The following ENOX1 variants were observed in gnomAD, a reference collection of about 807,000 sequenced individuals.
The protein encoded by ENOX1 is ecto-NOX disulfide-thiol exchanger 1, also known as candidate growth-related and time keeping constitutive hydroquinone (NADH) oxidase.
A neutral mutation model predicts 82.5 loss-of-function variants in ENOX1; 42 were observed. That is an observed-to-expected ratio of 0.51 (90% confidence interval 0.40 to 0.66). The LOEUF (loss-of-function observed/expected upper bound fraction) is 0.66, where lower values mean the gene tolerates loss of function less well. Among genes scored for constraint, ENOX1 ranks in the 30% least tolerant of loss-of-function variants. ENOX1 has a pLI of 0.00. For synonymous variants in ENOX1, 271 were observed against 282.2 expected, an observed-to-expected ratio of 0.96 and a Z score of 0.40; for missense variants, 608 against 811.6, an observed-to-expected ratio of 0.75 and a Z score of 3.05.
chr13:43,777,960 A>G (rs960760090), intron 1 of ENOX1, among the ~76,000 whole-genome samples: 6 of 152,300 alleles, frequency 3.9e-5, no homozygotes, highest in Middle Eastern at 3.4e-3. Context: ...TTACACTCAC[A>G]TGCTCAGTAT....
At chr13:43,777,673 G>T (rs1952000213) in intron 1 of ENOX1, among the ~76,000 whole-genome samples, 1 of 151,422 alleles carries the variant, frequency 6.6e-6, no homozygotes, top group Admixed American at 6.6e-5. Context: ...CCCCCAGGTA[G>T]CTGGGATTAC....
At chr13:43,402,311 A>T (rs2053545026) in intron 5 of ENOX1, among the ~76,000 whole-genome samples, 1 of 152,238 alleles carries the variant, frequency 6.6e-6, no homozygotes. Flanking sequence ...CTTCATATCT[A>T]ACTGATTGAA....
chr13:43,731,527 G>GGT (rs1555371226), intron 1 of ENOX1, among the ~76,000 whole-genome samples: 4 of 147,906 alleles, frequency 2.7e-5, no homozygotes, highest in African/African-American at 9.9e-5. Flanking sequence ...TCCTGTTTTT[G>GGT]TTTTTTTTTT....
chr13:43,504,870 C>A (rs1484747282), intron 2 of ENOX1, among the ~76,000 whole-genome samples: 1 of 151,450 alleles, frequency 6.6e-6, no homozygotes, highest in Non-Finnish European at 1.5e-5. Flanking sequence ...ATGTTTATGG[C>A]ATAGATTATG....
intron 3 of ENOX1, among the ~76,000 whole-genome samples, chr13:43,443,981 C>T (rs1023379192): frequency 1.3e-5 from 2 of 152,100 alleles, no homozygotes; most frequent in African/African-American, 2.4e-5. Flanking sequence ...CGGATCCTAG[C>T]TGTTTAGGAA....
At chr13:43,681,223 A>G (rs1267236476) in intron 1 of ENOX1, among the ~76,000 whole-genome samples, 1 of 152,102 alleles carries the variant, frequency 6.6e-6, no homozygotes, top group Non-Finnish European at 1.5e-5. Flanking sequence ...GAGAGACTTT[A>G]TATGTTTTAT....
At chr13:43,553,768 A>T (rs1383176508) in intron 2 of ENOX1, among the ~76,000 whole-genome samples, 1 of 152,136 alleles carries the variant, frequency 6.6e-6, no homozygotes, top group Non-Finnish European at 1.5e-5. Context: ...CTCTTTAAAG[A>T]GGGAGTTTCA....
chr13:43,565,663 G>T (rs914122741), intron 2 of ENOX1, among the ~76,000 whole-genome samples: 9 of 152,156 alleles, frequency 5.9e-5, no homozygotes, highest in Non-Finnish European at 1.0e-4. Flanking sequence ...TTTAGATAAG[G>T]AAAGATTCTT....
At chr13:43,216,101 G>A (rs1477611365) in intron 16 of ENOX1, among the ~76,000 whole-genome samples, 1 of 152,152 alleles carries the variant, frequency 6.6e-6, no homozygotes, top group African/African-American at 2.4e-5. Context: ...GAGGCCAAGA[G>A]GCAGAAGAAT....
chr13:43,240,763 A>C (rs752213270), intron 14 of ENOX1, among the ~76,000 whole-genome samples: 3 of 152,170 alleles, frequency 2.0e-5, no homozygotes, highest in Non-Finnish European at 4.4e-5. Context: ...AGGAAGTAGG[A>C]TGTGCACGTT....
intron 14 of ENOX1, among the ~76,000 whole-genome samples, chr13:43,241,271 T>C (rs1025106284): frequency 6.6e-6 from 1 of 152,174 alleles, no homozygotes; most frequent in Non-Finnish European, 1.5e-5. Flanking sequence ...ATGAAGACCC[T>C]TTATCCTTTT....
chr13:43,497,550 C>T (rs2076836507), intron 2 of ENOX1, among the ~76,000 whole-genome samples: 1 of 152,064 alleles, frequency 6.6e-6, no homozygotes, highest in African/African-American at 2.4e-5. Context: ...TTAAAGAATG[C>T]ATACATACTT....
intron 2 of ENOX1, among the ~76,000 whole-genome samples, chr13:43,581,182 G>T (rs566276218): frequency 7.5e-6 from 1 of 132,888 alleles, no homozygotes; most frequent in Admixed American, 8.2e-5. Flanking sequence ...GCCCAGGCTG[G>T]AGTGCAGTGG....
At chr13:43,628,487 T>G (rs1435663490) in intron 2 of ENOX1, among the ~76,000 whole-genome samples, 1 of 152,186 alleles carries the variant, frequency 6.6e-6, no homozygotes, top group African/African-American at 2.4e-5. Context: ...ACTTTCTATT[T>G]CTTTGCTGAG....
chr13:43,360,379 T>C (rs2050420181), intron 6 of ENOX1, among the ~76,000 whole-genome samples: 1 of 152,132 alleles, frequency 6.6e-6, no homozygotes, highest in Non-Finnish European at 1.5e-5. Context: ...CTTCCCAAAG[T>C]ACAAAACATG....
At chr13:43,273,472 A>G (rs1472932293) in intron 12 of ENOX1, among the ~76,000 whole-genome samples, 1 of 152,180 alleles carries the variant, frequency 6.6e-6, no homozygotes, top group East Asian at 1.9e-4. Context: ...AGCTGCTTCC[A>G]TGACTTATGA....
chr13:43,758,723 A>G (rs900887653), intron 1 of ENOX1, among the ~76,000 whole-genome samples: 2 of 152,222 alleles, frequency 1.3e-5, no homozygotes, highest in Admixed American at 1.3e-4. Flanking sequence ...GCAGGTTACT[A>G]ATCCTAAGCC....
chr13:43,730,825 C>T (rs1337286323), intron 1 of ENOX1, among the ~76,000 whole-genome samples: 1 of 152,166 alleles, frequency 6.6e-6, no homozygotes, highest in Non-Finnish European at 1.5e-5. Context: ...TCCAGCTGTT[C>T]CTTCATCCTC....
At chr13:43,417,411 G>C (rs2054690042) in intron 3 of ENOX1, among the ~76,000 whole-genome samples, 1 of 152,108 alleles carries the variant, frequency 6.6e-6, no homozygotes, top group African/African-American at 2.4e-5. Context: ...AATTTAAGTT[G>C]ATTCGGTCAC....
Sources: gnomAD v4.1 joint callset for allele counts (sites outside exome capture counted in the v4.1 genomes callset) on GRCh38, gnomAD v4.1.1 for gene constraint, MANE v1.5 for transcripts, NCBI Gene and HGNC (gene_info 2026-07-23, HGNC 2026-07-21) for gene names.